Variants in GLT8D2 observed in about 807,000 individuals in gnomAD.
GLT8D2 encodes the protein glycosyltransferase 8 domain containing 2.
A neutral mutation model predicts 44.5 loss-of-function variants in GLT8D2; 45 were observed. The observed-to-expected ratio is 1.01, with a 90% CI of 0.80 to 1.30. GLT8D2 has a LOEUF of 1.30. Among genes scored for constraint, GLT8D2 ranks in the 50% most tolerant of loss-of-function variants. The pLI is 0.00. For synonymous variants in GLT8D2, 156 were observed against 157.2 expected (o/e 0.99, Z 0.06); for missense variants, 400 against 430.4 (o/e 0.93, Z 0.62).
At chr12:104,064,403 C>T, upstream of GLT8D2, 1 of 629,922 alleles carries the variant, frequency 1.6e-6, no homozygotes, top group Non-Finnish European at 2.4e-6. This position sits in a 1 kb window ranked among gnomAD's most constrained non-coding sequence, Gnocchi z 7.3. Context: ...CCCCCCTTCC[C>T]CAGCGTCTCT....
At chr12:104,014,731 G>T (rs1876330032) in intron 4 of GLT8D2, among the ~76,000 whole-genome samples, 2 of 152,138 alleles carry the variant, frequency 1.3e-5, no homozygotes. Context: ...AAGTCTTGAG[G>T]CCCCACACCA....
At chr12:103,993,192 G>C (rs910020085) in intron 10 of GLT8D2, among the ~76,000 whole-genome samples, 200 bp downstream of exon 10, 4 of 152,138 alleles carry the variant, frequency 2.6e-5, no homozygotes, top group Admixed American at 6.5e-5. Flanking sequence ...TTAGCTGGGC[G>C]TGATGGCACA....
intron 1 of GLT8D2, among the ~76,000 whole-genome samples, chr12:104,032,466 C>CAAAAAAAAAAAAAAAAAAAAAAAAAAAAA (rs547392677): frequency 1.7e-4 from 10 of 59,672 alleles, no homozygotes; most frequent in African/African-American, 4.0e-4. Flanking sequence ...TGTGCAATAG[C>CAAAAAAAAAAAAAAAAAAAAAAAAAAAAA]AAAAAAAAAA....
chr12:104,054,936 A>G (rs1882047389), upstream of GLT8D2, among the ~76,000 whole-genome samples: 1 of 152,158 alleles, frequency 6.6e-6, no homozygotes, highest in Non-Finnish European at 1.5e-5. Context: ...GCTCCCTCCA[A>G]TAGGGTAATG....
intron 1 of GLT8D2, among the ~76,000 whole-genome samples, chr12:104,045,808 T>C (rs1018092059): frequency 1.3e-4 from 19 of 151,428 alleles, no homozygotes; most frequent in African/African-American, 1.9e-4. Context: ...TGATTGGCTA[T>C]GGTATGGGCT....
intron 1 of GLT8D2, among the ~76,000 whole-genome samples, chr12:104,035,434 A>G (rs1474026624): frequency 4.6e-5 from 7 of 152,126 alleles, no homozygotes; most frequent in African/African-American, 1.7e-4. Context: ...AAGATTATAC[A>G]AATGGCAAAC....
intron 4 of GLT8D2, among the ~76,000 whole-genome samples, chr12:104,005,766 C>T (rs1438022553): frequency 1.3e-5 from 2 of 152,180 alleles, no homozygotes; most frequent in African/African-American, 2.4e-5. Flanking sequence ...GAAATAGGAA[C>T]ACTTTTACAC....
At chr12:104,014,287 C>T (rs919144689) in intron 4 of GLT8D2, 14 of 700,054 alleles carry the variant, frequency 2.0e-5, no homozygotes, top group African/African-American at 1.9e-4. Context: ...CCCTGGAGGT[C>T]GAGGCTGCAG....
chr12:104,002,719 G>A (rs942308304), intron 5 of GLT8D2, among the ~76,000 whole-genome samples: 7 of 152,124 alleles, frequency 4.6e-5, no homozygotes, highest in Admixed American at 2.0e-4. Context: ...TGAGGAGGGA[G>A]GATTGCTTGA....
intron 1 of GLT8D2, among the ~76,000 whole-genome samples, chr12:104,033,139 C>T (rs956867076): frequency 2.6e-5 from 4 of 152,160 alleles, no homozygotes; most frequent in African/African-American, 9.7e-5. Flanking sequence ...ACCTCAGCCT[C>T]CCAAAGTGCT....
chr12:104,010,775 C>A (rs1875732438), intron 4 of GLT8D2, among the ~76,000 whole-genome samples: 1 of 152,214 alleles, frequency 6.6e-6, no homozygotes, highest in Non-Finnish European at 1.5e-5. Flanking sequence ...CCCACTGAGT[C>A]TGGCACTTTG....
chr12:103,998,274 G>C (rs1254516392), intron 6 of GLT8D2, among the ~76,000 whole-genome samples: 1 of 145,426 alleles, frequency 6.9e-6, no homozygotes, highest in Admixed American at 6.9e-5. Flanking sequence ...TCTCTCTGTT[G>C]CCCAGGCTGG....
At chr12:104,021,661 T>C (rs1485458379) in intron 1 of GLT8D2, among the ~76,000 whole-genome samples, 170 bp from the exon 2 acceptor site, 2 of 151,362 alleles carry the variant, frequency 1.3e-5, no homozygotes, top group Non-Finnish European at 2.9e-5. Context: ...TCATGGTGCA[T>C]GCCTGTAGTC....
At chr12:104,019,347 C>T (rs960677440) in intron 3 of GLT8D2, among the ~76,000 whole-genome samples, 1 of 151,966 alleles carries the variant, frequency 6.6e-6, no homozygotes, top group Non-Finnish European at 1.5e-5. Context: ...AGGCTGGTCT[C>T]GAACTCCCGA....
intron 3 of GLT8D2, 126 bp downstream of exon 3, chr12:104,019,504 C>G (rs1877348832): frequency 4.1e-6 from 3 of 735,500 alleles, no homozygotes; most frequent in Non-Finnish European, 6.8e-6. Flanking sequence ...CAAAAAGTGC[C>G]TGTGGGAAAA....
chr12:104,021,669 G>A (rs1007072357), intron 1 of GLT8D2, among the ~76,000 whole-genome samples, 178 bp from the exon 2 acceptor site: 1 of 151,416 alleles, frequency 6.6e-6, no homozygotes, highest in Non-Finnish European at 1.5e-5. Flanking sequence ...CATGCCTGTA[G>A]TCCCAGCTAC....
upstream of GLT8D2, among the ~76,000 whole-genome samples, chr12:104,052,682 G>A (rs1881823415): frequency 6.6e-6 from 1 of 152,162 alleles, no homozygotes; most frequent in African/African-American, 2.4e-5. Flanking sequence ...TCCAGCAGGT[G>A]TGTCCTTTCT....
At chr12:104,048,476 G>A (rs889291085) in intron 1 of GLT8D2, among the ~76,000 whole-genome samples, 6 of 152,196 alleles carry the variant, frequency 3.9e-5, no homozygotes, top group Non-Finnish European at 7.3e-5. Context: ...AATTAAAAAG[G>A]ATTTAGAATC....
chr12:104,055,233 T>C (rs927610236), intron 1 of GLT8D2, among the ~76,000 whole-genome samples: 2 of 152,164 alleles, frequency 1.3e-5, no homozygotes, highest in African/African-American at 4.8e-5. Context: ...GTTGGTAGTG[T>C]CTCCCATTGA....
Sources: allele counts gnomAD v4.1 joint callset (sites outside exome capture counted in the v4.1 genomes callset), GRCh38; gene constraint gnomAD v4.1.1; non-coding constraint Gnocchi (gnomAD v3.1); transcripts MANE v1.5; gene names NCBI Gene and HGNC (gene_info 2026-07-23, HGNC 2026-07-21).